ASCL3: variants seen among roughly 807,000 people sequenced by gnomAD.
ASCL3 encodes the protein achaete-scute family bHLH transcription factor 3.
A neutral mutation model predicts 2.3 loss-of-function variants in ASCL3; 1 was observed. The ratio of observed to expected loss-of-function variants is 0.44; its 90% CI spans 0.16 to 2.10. ASCL3 has a LOEUF of 2.10. Ranked by LOEUF, ASCL3 falls within the 30% of genes most tolerant of loss-of-function variation. ASCL3 has a pLI of 0.28. For missense variants in ASCL3, 243 were observed against 229.0 expected (o/e 1.06, Z -0.40); for synonymous variants, 98 against 88.5 (o/e 1.11, Z -0.60).
intron 1 of ASCL3, among the ~76,000 whole-genome samples, chr11:8,940,659 A>G (rs1853678844): frequency 6.6e-6 from 1 of 152,140 alleles, no homozygotes; most frequent in Admixed American, 6.6e-5. Context: ...GATAAAGTGA[A>G]AAAACTACAG....
At chr11:8,941,506 G>C (rs563487962) in intron 1 of ASCL3, among the ~76,000 whole-genome samples, 1 of 152,134 alleles carries the variant, frequency 6.6e-6, no homozygotes, top group East Asian at 1.9e-4. Context: ...AAGGTCAGGG[G>C]ACTAGGGAAA....
At position 8,937,889 on chromosome 11, in the gene ASCL3, C is replaced by T. The variant is rs2064687474; in HGVS notation, c.273G>A (p.Gly91=). Residue 91 remains glycine (G), a synonymous_variant, in exon 2 of 2, where the codon GGG becomes GGA. Transcript: ENST00000531618. The part of the protein sequence containing the change: ...PNYRGCEYSY[G]PAFTRKRNER... ...CATTCCTTTTCCGGGTGAAGGCTGG[C>T]CCGTAGGAGTACTCGCACCCTCTGT... 2 of 1,614,008 alleles carry T rather than the reference C, an allele frequency of 1.2e-6. No homozygotes were observed. The highest frequency in any genetic ancestry group is 1.7e-6 in the Non-Finnish European group (2 of 1,180,026).
At chr11:8,940,469 C>T (rs1485768965) in intron 1 of ASCL3, among the ~76,000 whole-genome samples, 3 of 152,110 alleles carry the variant, frequency 2.0e-5, no homozygotes, top group South Asian at 2.1e-4. Flanking sequence ...GCAGTGTAAC[C>T]GGTTAACTTG....
intron 1 of ASCL3, among the ~76,000 whole-genome samples, chr11:8,942,367 G>C (rs1853712075): frequency 6.6e-6 from 1 of 152,178 alleles, no homozygotes; most frequent in Non-Finnish European, 1.5e-5. Flanking sequence ...AGAAAGCCTA[G>C]TGGGGTCTGG....
chr11:8,940,666 A>G (rs983846943), intron 1 of ASCL3, among the ~76,000 whole-genome samples: 1 of 152,068 alleles, frequency 6.6e-6, no homozygotes, highest in African/African-American at 2.4e-5. Context: ...TGAAAAAACT[A>G]CAGTTGACCC....
In ASCL3 at chr11:8,937,921, G is replaced by T. The variant is rs1335828574; in HGVS notation, c.241C>A (p.Pro81Thr). The T allele has an allele frequency of 1.2e-6, 2 of 1,613,978 alleles. No homozygotes were observed. Among genetic ancestry groups the T allele is most frequent in the Non-Finnish European group, 1.7e-6 (2 of 1,180,008 alleles). ...PCPFSFPMPY[P>T]NYRGCEYSYG... ...GAGTACTCGCACCCTCTGTAATTTG[G>T]ATAAGGCATCGGGAAAGAGAAGGGG... The change falls in exon 2 of 2, where the codon CCA becomes ACA. Residue 81 changes from proline (P) to threonine (T), a missense_variant. Coordinates refer to ENST00000531618, the MANE Select transcript of ASCL3 (RefSeq NM_020646.3).
At chr11:8,941,891 A>T (rs1196705885) in intron 1 of ASCL3, among the ~76,000 whole-genome samples, 1 of 152,176 alleles carries the variant, frequency 6.6e-6, no homozygotes, top group African/African-American at 2.4e-5. Context: ...AGAAGCTGCA[A>T]AATGGTGGCA....
intron 1 of ASCL3, among the ~76,000 whole-genome samples, chr11:8,942,340 A>G (rs1463772208): frequency 6.6e-6 from 1 of 152,194 alleles, no homozygotes; most frequent in Non-Finnish European, 1.5e-5. Flanking sequence ...AAATGCAGCA[A>G]CAAGGAGAAT....
chr11:8,940,902 G>A (rs866671337), intron 1 of ASCL3, among the ~76,000 whole-genome samples: 1 of 152,140 alleles, frequency 6.6e-6, no homozygotes, highest in Non-Finnish European at 1.5e-5. Flanking sequence ...GGTGTGTGTA[G>A]GTTCCATGCA....
chr11:8,940,320 A>G (rs1853674474), intron 1 of ASCL3, among the ~76,000 whole-genome samples: 7 of 152,122 alleles, frequency 4.6e-5, no homozygotes, highest in Admixed American at 3.9e-4. Flanking sequence ...TCAAGGATGA[A>G]GCAGTATAAC....
intron 1 of ASCL3, among the ~76,000 whole-genome samples, chr11:8,941,458 G>A (rs1163687757): frequency 3.9e-5 from 6 of 152,038 alleles, no homozygotes; most frequent in Non-Finnish European, 8.8e-5. Flanking sequence ...GCACTGTGTA[G>A]TGGGAGGAGC....
At chr11:8,939,866 C>G (rs2064697765) in intron 1 of ASCL3, among the ~76,000 whole-genome samples, 1 of 152,150 alleles carries the variant, frequency 6.6e-6, no homozygotes, top group African/African-American at 2.4e-5. Context: ...AGGTGAGAAA[C>G]TTCCCCTACA....
At chr11:8,939,998 G>A (rs532353866) in intron 1 of ASCL3, among the ~76,000 whole-genome samples, 71 of 152,166 alleles carry the variant, frequency 4.7e-4, no homozygotes, top group Non-Finnish European at 8.7e-4. Flanking sequence ...TATTTTTAGA[G>A]GTGGTGTTTT....
In ASCL3 at chr11:8,937,982, G is replaced by T. The variant is rs769057327; in HGVS notation, c.180C>A (p.Ser60Arg). 7 of 1,613,870 alleles carry T rather than the reference G, an allele frequency of 4.3e-6. No individual in the cohort carries two copies. The highest frequency in any genetic ancestry group is 2.2e-5 in the East Asian group (1 of 44,890). Residue 60 changes from serine to arginine, a missense_variant, in exon 2 of 2, where the codon AGC becomes AGA. Transcript: ENST00000531618. ...TGTAATTTCCCAGGATAAGAGAGTCGCTGGGAAAAGGCAGCCGTGGCAGCT... is the reference window on the plus strand; with the variant it reads ...TGTAATTTCCCAGGATAAGAGAGTCTCTGGGAAAAGGCAGCCGTGGCAGCT... ...SEELPRLPFP[S>R]DSLILGNYSE...
At chr11:8,939,906 T>A (rs1324528287) in intron 1 of ASCL3, among the ~76,000 whole-genome samples, 7 of 152,192 alleles carry the variant, frequency 4.6e-5, no homozygotes, top group Non-Finnish European at 1.0e-4. Context: ...ATACAAGTTT[T>A]TACATATGTA....
chr11:8,942,129 G>A (rs1264802880), intron 1 of ASCL3, among the ~76,000 whole-genome samples: 1 of 152,094 alleles, frequency 6.6e-6, no homozygotes, highest in Non-Finnish European at 1.5e-5. Context: ...TATGCCACAA[G>A]TAATTAAAAC....
Position 8,937,869 on chromosome 11 carries a change from C to T in ASCL3, c.293G>A (p.Arg98Lys). ...CACCCGCTGCCTTTCCCGCTCATTC[C>T]TTTTCCGGGTGAAGGCTGGCCCGTA... ...YSYGPAFTRK[R>K]NERERQRVKC... Residue 98 changes from arginine (R) to lysine (K), a missense_variant, in exon 2 of 2, where the codon AGG (arginine) becomes AAG (lysine). Physicochemically the swap from Arg to Lys is conservative, Grantham distance 26. Coordinates refer to ENST00000531618, the MANE Select transcript of ASCL3 (RefSeq NM_020646.3). The T allele has an allele frequency of 1.2e-6, 2 of 1,614,136 alleles. No homozygotes were observed. Among genetic ancestry groups the T allele is most frequent in the Non-Finnish European group, 1.7e-6 (2 of 1,180,010 alleles).
At position 8,937,621 on chromosome 11, in the gene ASCL3, C is replaced by T. The variant is rs750407019; in HGVS notation, c.541G>A (p.Val181Ile). The change falls in exon 2 of 2, where the codon GTT becomes ATT. Residue 181 changes from valine (V) to isoleucine (I), a missense_variant. By Grantham distance (29) the Val-to-Ile change is conservative. Coordinates refer to ENST00000531618, the MANE Select transcript of ASCL3 (RefSeq NM_020646.3). ...SHHADPMFRI[V>I] ...TTCTATTTGGAAACAGCAACTCAAA[C>T]AATTCTGAACATAGGGTCAGCATGG... 3 of 1,602,762 alleles carry T rather than the reference C, an allele frequency of 1.9e-6. No individual in the cohort carries two copies. In the Admixed American group the frequency reaches 5.1e-5, roughly 27 times the overall value.
intron 1 of ASCL3, among the ~76,000 whole-genome samples, chr11:8,939,875 C>T (rs951179061): frequency 2.6e-5 from 4 of 152,152 alleles, no homozygotes; most frequent in African/African-American, 9.7e-5. Flanking sequence ...ACTTCCCCTA[C>T]ACATTTAAAA....
Sources: allele counts gnomAD v4.1 joint callset (sites outside exome capture counted in the v4.1 genomes callset), GRCh38; gene constraint gnomAD v4.1.1; transcripts MANE v1.5; gene names NCBI Gene and HGNC (gene_info 2026-07-23, HGNC 2026-07-21).